The following EXOC6B variants were observed in gnomAD, a reference collection of about 807,000 sequenced individuals.
EXOC6B encodes the protein exocyst complex component 6B.
A neutral mutation model predicts 113.5 loss-of-function variants in EXOC6B; 54 were observed. That is an observed-to-expected ratio of 0.48 (90% CI 0.38 to 0.60). The LOEUF is 0.60. Among genes scored for constraint, EXOC6B ranks in the 20% least tolerant of loss-of-function variants. The pLI is 0.00. For synonymous variants in EXOC6B, 357 were observed against 339.0 expected, an observed-to-expected ratio of 1.05 and a Z score of -0.58; for missense variants, 797 against 977.5, an observed-to-expected ratio of 0.82 and a Z score of 2.46.
At chr2:72,542,464 T>C (rs947618386) in intron 8 of EXOC6B, among the ~76,000 whole-genome samples, 1 of 152,196 alleles carries the variant, frequency 6.6e-6, no homozygotes, top group Non-Finnish European at 1.5e-5. Context: ...GTTTGAGTTA[T>C]AAGAATCTGA....
chr2:72,499,845 T>C, intron 12 of EXOC6B, 56 bp downstream of exon 12: 1 of 1,265,104 alleles, frequency 7.9e-7, no homozygotes, highest in Non-Finnish European at 1.1e-6. Flanking sequence ...AGAAAAAGGT[T>C]TAGAGCTGAT....
chr2:72,258,549 T>C (rs1291706443), intron 20 of EXOC6B, among the ~76,000 whole-genome samples: 3 of 151,452 alleles, frequency 2.0e-5, no homozygotes, highest in Non-Finnish European at 4.4e-5. Flanking sequence ...TTTTTTCTTT[T>C]ATAGAGATAA....
intron 20 of EXOC6B, among the ~76,000 whole-genome samples, chr2:72,317,874 T>C (rs1248580770): frequency 6.6e-6 from 1 of 152,196 alleles, no homozygotes; most frequent in Admixed American, 6.5e-5. Flanking sequence ...ATAAGGAGCC[T>C]GCTGCTTGCC....
At chr2:72,687,158 G>GT (rs1259279287) in intron 6 of EXOC6B, among the ~76,000 whole-genome samples, 4 of 150,766 alleles carry the variant, frequency 2.7e-5, no homozygotes, top group Non-Finnish European at 4.4e-5. Context: ...AAAAACCTTT[G>GT]TTTTTTCCCC....
At chr2:72,493,460 A>G (rs1237430066) in intron 15 of EXOC6B, among the ~76,000 whole-genome samples, 2 of 151,218 alleles carry the variant, frequency 1.3e-5, no homozygotes, top group Admixed American at 1.3e-4. Flanking sequence ...AAGCAAGATT[A>G]AAAGAAAAAA....
chr2:72,373,193 C>T (rs190193948), intron 19 of EXOC6B, among the ~76,000 whole-genome samples: 26 of 151,514 alleles, frequency 1.7e-4, no homozygotes, highest in African/African-American at 5.6e-4. Context: ...CTCAGCCTCT[C>T]GAGTAGCTGG....
At chr2:72,641,467 AGCAGTCT>A in intron 6 of EXOC6B, among the ~76,000 whole-genome samples, 1 of 152,270 alleles carries the variant, frequency 6.6e-6, no homozygotes, top group East Asian at 1.9e-4. Context: ...CTGCTAGTGC[AGCAGTCT>A]GAGATCAACC....
rs951808451 is a variant in EXOC6B, at chr2:72,707,263, C to T, written c.669+10840G>A. Among the ~76,000 whole-genome samples the T allele has an allele frequency of 2.6e-5, 4 of 152,234 alleles. No individual in the cohort carries two copies. In the East Asian group the frequency reaches 7.7e-4, roughly 29 times the overall value. On this transcript the variant is annotated intron_variant, in intron 6 of 21. Coordinates refer to ENST00000272427, the MANE Select transcript of EXOC6B (RefSeq NM_015189.3). ...TATATATCCAAATTTAATTCAAATG[C>T]ACCTTATTATTAAACCTGGAATATC...
intron 18 of EXOC6B, among the ~76,000 whole-genome samples, chr2:72,409,748 A>G (rs1319693629): frequency 6.6e-6 from 1 of 152,096 alleles, no homozygotes; most frequent in Non-Finnish European, 1.5e-5. Flanking sequence ...GGATAGCATT[A>G]GGAGATATAC....
At chr2:72,390,729 T>C (rs937523944) in intron 18 of EXOC6B, among the ~76,000 whole-genome samples, 5 of 152,208 alleles carry the variant, frequency 3.3e-5, no homozygotes, top group African/African-American at 1.2e-4. Flanking sequence ...GTCTCTGCTG[T>C]ATGCTTCAGT....
intron 1 of EXOC6B, among the ~76,000 whole-genome samples, chr2:72,786,714 C>G (rs575952693): frequency 6.6e-6 from 1 of 152,222 alleles, no homozygotes; most frequent in Admixed American, 6.5e-5. Flanking sequence ...ATTCGCTGAC[C>G]AGTAGTCTAT....
intron 7 of EXOC6B, among the ~76,000 whole-genome samples, chr2:72,569,111 T>G (rs968911564): frequency 1.3e-5 from 2 of 152,094 alleles, no homozygotes; most frequent in Non-Finnish European, 2.9e-5. Flanking sequence ...CCTTCTAAAT[T>G]GTCCTTTTGG....
chr2:72,261,506 T>C (rs1452732178), intron 20 of EXOC6B, among the ~76,000 whole-genome samples: 3 of 152,190 alleles, frequency 2.0e-5, no homozygotes, highest in Non-Finnish European at 1.5e-5. Context: ...TAGTATAATT[T>C]GCTACCCAAT....
intron 6 of EXOC6B, among the ~76,000 whole-genome samples, chr2:72,705,250 GA>G (rs1678768660): frequency 6.6e-6 from 1 of 152,098 alleles, no homozygotes. Context: ...AATAGATGCA[GA>G]AAAAGCCTTT....
At chr2:72,481,274 A>C (rs1029596473) in intron 16 of EXOC6B, among the ~76,000 whole-genome samples, 5 of 152,238 alleles carry the variant, frequency 3.3e-5, no homozygotes, top group Admixed American at 6.5e-5. Flanking sequence ...GCAGTTCTTT[A>C]TAGCAGTATG....
intron 19 of EXOC6B, among the ~76,000 whole-genome samples, chr2:72,378,306 C>T (rs1209206769): frequency 6.6e-6 from 1 of 152,200 alleles, no homozygotes; most frequent in Non-Finnish European, 1.5e-5. Flanking sequence ...CCAATCCCAG[C>T]TGTCACATCA....
intron 6 of EXOC6B, among the ~76,000 whole-genome samples, chr2:72,593,961 A>C (rs975305349): frequency 4.6e-5 from 7 of 152,060 alleles, no homozygotes; most frequent in Admixed American, 3.3e-4. Context: ...ATTCTATCAA[A>C]CATTCTGGTT....
At chr2:72,473,163 T>TA (rs1454919243) in intron 17 of EXOC6B, among the ~76,000 whole-genome samples, 1 of 152,136 alleles carries the variant, frequency 6.6e-6, no homozygotes, top group African/African-American at 2.4e-5. Flanking sequence ...TATTGTTGGG[T>TA]AAGATGTTCT....
intron 13 of EXOC6B, among the ~76,000 whole-genome samples, chr2:72,497,624 A>G (rs889379794): frequency 1.3e-5 from 2 of 152,182 alleles, no homozygotes; most frequent in Admixed American, 1.3e-4. Context: ...ATAAATATTT[A>G]TATTAATATA....
Sources: gnomAD v4.1 joint callset for allele counts (sites outside exome capture counted in the v4.1 genomes callset) on GRCh38, gnomAD v4.1.1 for gene constraint, MANE v1.5 for transcripts, NCBI Gene and HGNC (gene_info 2026-07-23, HGNC 2026-07-21) for gene names.